Variants in WDHD1 observed in about 807,000 individuals in gnomAD.
WDHD1 encodes WD repeat and HMG-box DNA binding protein 1.
A neutral mutation model predicts 135.4 loss-of-function variants in WDHD1; 111 were observed. The observed-to-expected ratio is 0.82, with a 90% CI of 0.70 to 0.96. WDHD1 has a LOEUF of 0.96. WDHD1 is among the 40% of genes least tolerant of loss of function. The pLI is 0.00. For synonymous variants in WDHD1, 434 were observed against 439.0 expected, an observed-to-expected ratio of 0.99 and a Z score of 0.14; for missense variants, 1,351 against 1,336.3, an observed-to-expected ratio of 1.01 and a Z score of -0.17.
At chr14:54,961,741 T>C (rs1203872870) in intron 21 of WDHD1, among the ~76,000 whole-genome samples, 2 of 152,148 alleles carry the variant, frequency 1.3e-5, no homozygotes, top group Non-Finnish European at 2.9e-5. Flanking sequence ...AATGGTACTA[T>C]AAGGTTTATG....
intron 16 of WDHD1, among the ~76,000 whole-genome samples, chr14:54,975,305 G>T (rs2041507334): frequency 1.3e-5 from 2 of 152,022 alleles, no homozygotes; most frequent in Non-Finnish European, 2.9e-5. Context: ...CAGCTCAAAG[G>T]GGGCAGGGAT....
intron 2 of WDHD1, among the ~76,000 whole-genome samples, chr14:55,024,008 C>CT (rs1217616175): frequency 6.6e-6 from 1 of 152,088 alleles, no homozygotes; most frequent in Non-Finnish European, 1.5e-5. Flanking sequence ...ATTTTATGCA[C>CT]TCATGACATA....
Position 54,944,430 on chromosome 14 carries a change from T to G in WDHD1, c.3091A>C (p.Ser1031Arg). 2 of 1,606,436 alleles carry G rather than the reference T, an allele frequency of 1.2e-6. No homozygotes were observed. Among genetic ancestry groups the G allele is most frequent in the Non-Finnish European group, 1.7e-6 (2 of 1,178,610 alleles). The change falls in exon 25 of 26, where the codon AGT becomes CGT. Residue 1031 changes from serine to arginine, a missense_variant. Ser to Arg is a moderately radical substitution (Grantham distance 110). Coordinates refer to ENST00000360586, the MANE Select transcript of WDHD1 (RefSeq NM_007086.4). ...GFQMWLEENR[S>R]NILSDNPDFS... ...TCAGGATTGTCAGACAAAATATTAC[T>G]TCTATTTTCTTCTAACCACATCTGG...
chr14:54,946,527 C>T (rs2040928414), intron 24 of WDHD1, among the ~76,000 whole-genome samples: 3 of 152,096 alleles, frequency 2.0e-5, no homozygotes, highest in African/African-American at 4.8e-5. Context: ...GCTTTGTCGC[C>T]CAGGCTGGAG....
intron 13 of WDHD1, among the ~76,000 whole-genome samples, chr14:54,988,660 T>C (rs1423407935): frequency 1.3e-5 from 2 of 150,696 alleles, no homozygotes; most frequent in African/African-American, 4.9e-5. Context: ...CTGGGAGGAG[T>C]TTTCATTTTC....
At chr14:54,990,265 T>G (rs182907537) in intron 12 of WDHD1, among the ~76,000 whole-genome samples, 1 of 152,282 alleles carries the variant, frequency 6.6e-6, no homozygotes, top group Admixed American at 6.5e-5. Context: ...ATCCTCAGAA[T>G]GGAAAACATC....
At position 54,989,208 on chromosome 14, in the gene WDHD1, C is replaced by A; in HGVS notation, c.1346G>T (p.Trp449Leu). 1 of 1,610,560 alleles carries A rather than the reference C, an allele frequency of 6.2e-7. No individual in the cohort carries two copies. The highest frequency in any genetic ancestry group is 1.1e-5 in the South Asian group (1 of 90,202). Reference protein sequence around the residue: ...PLHLTHRFMVWNSIGIIRCYN... With the variant: ...PLHLTHRFMVLNSIGIIRCYN... ...GCAGCGAATAATTCCAATAGAGTTC[C>A]ACACCTACAAACAGGTAAGATTAAA... The change falls in exon 13 of 26, where the codon TGG becomes TTG. Residue 449 changes from tryptophan to leucine, a missense_variant. Coordinates refer to ENST00000360586, the MANE Select transcript of WDHD1 (RefSeq NM_007086.4).
intron 6 of WDHD1, 62 bp from the exon 7 acceptor site, chr14:55,007,437 A>T: frequency 4.3e-6 from 5 of 1,172,780 alleles, no homozygotes; most frequent in Non-Finnish European, 4.9e-6. Flanking sequence ...ATATATGCAG[A>T]ACTGAATATA....
chr14:54,976,967 C>T (rs2041534727), intron 16 of WDHD1, among the ~76,000 whole-genome samples: 1 of 151,750 alleles, frequency 6.6e-6, no homozygotes, highest in African/African-American at 2.4e-5. Context: ...TATAAGATTC[C>T]CCTCAGTAAT....
In WDHD1 at chr14:55,013,474, GT is replaced by G; in HGVS notation, c.189+10del. Reference sequence around the variant, plus strand: ...TCATTTCATATCAATTGATATAACTGTTTTTACTACCTTCAAAGCACATGAA... The same window carrying G: ...TCATTTCATATCAATTGATATAACTGTTTTACTACCTTCAAAGCACATGAA... On this transcript the variant is annotated intron_variant, in intron 3 of 25. Coordinates refer to ENST00000360586, the MANE Select transcript of WDHD1 (RefSeq NM_007086.4). 6.3e-7 allele frequency: 1 copy of G among 1,587,784 alleles called. No individual in the cohort carries two copies.
intron 2 of WDHD1, among the ~76,000 whole-genome samples, chr14:55,026,434 AAATT>A (rs2042442563): frequency 6.6e-6 from 1 of 151,750 alleles, no homozygotes; most frequent in Non-Finnish European, 1.5e-5. Flanking sequence ...TGATCTGACA[AAATT>A]AATAATGTAA....
chr14:55,025,747 A>T (rs2042425755), intron 2 of WDHD1, among the ~76,000 whole-genome samples: 1 of 152,180 alleles, frequency 6.6e-6, no homozygotes, highest in Non-Finnish European at 1.5e-5. Context: ...ATCACTCTCC[A>T]CATTTTAGTA....
chr14:55,013,147 G>A (rs2042198718), intron 3 of WDHD1, among the ~76,000 whole-genome samples: 1 of 137,850 alleles, frequency 7.3e-6, no homozygotes, highest in Non-Finnish European at 1.5e-5. Context: ...GACTGCTTGA[G>A]CCCAGGAGTT....
At chr14:55,011,894 T>C (rs186949609) in intron 3 of WDHD1, among the ~76,000 whole-genome samples, 19 of 152,278 alleles carry the variant, frequency 1.2e-4, no homozygotes, top group Admixed American at 2.6e-4. Context: ...CGACATTTGC[T>C]ATTGTTATGA....
rs551684332 is a variant in WDHD1, at chr14:55,006,333, C to T, written c.600+947G>A. 3.5e-4 allele frequency among the ~76,000 whole-genome samples: 53 copies of T among 152,276 alleles called. 2 individuals are homozygous for T. In the South Asian group the frequency reaches 7.3e-3, roughly 21 times the overall value. ...AAAGTTTCTTTATATAGATCTTTCA[C>T]ATTTCTTGTACATTTAACCTGTTAC... On this transcript the variant is annotated intron_variant, in intron 7 of 25. Coordinates refer to ENST00000360586, the MANE Select transcript of WDHD1 (RefSeq NM_007086.4).
At chr14:54,978,847 C>G (rs1486883304) in intron 16 of WDHD1, among the ~76,000 whole-genome samples, 3 of 152,152 alleles carry the variant, frequency 2.0e-5, no homozygotes, top group Non-Finnish European at 1.5e-5. Context: ...AAGCCAAAAA[C>G]AGAAGATAGG....
chr14:54,945,786 G>A (rs541029244), intron 24 of WDHD1, among the ~76,000 whole-genome samples: 22 of 152,192 alleles, frequency 1.4e-4, no homozygotes, highest in Admixed American at 7.2e-4. Flanking sequence ...TGATCCACTC[G>A]CCTCGGCCTC....
At chr14:55,008,226 A>T in intron 6 of WDHD1, 90 bp downstream of exon 6, 1 of 1,274,040 alleles carries the variant, frequency 7.8e-7, no homozygotes, top group South Asian at 1.4e-5. Flanking sequence ...TCCAAAGAAA[A>T]GCAATTATTA....
chr14:54,957,501 A>C, intron 22 of WDHD1, 91 bp downstream of exon 22: 2 of 1,197,024 alleles, frequency 1.7e-6, no homozygotes, highest in Non-Finnish European at 2.3e-6. Context: ...TCATGCCTCC[A>C]AGTCTGGGGA....
Sources: allele counts gnomAD v4.1 joint callset (sites outside exome capture counted in the v4.1 genomes callset), GRCh38; gene constraint gnomAD v4.1.1; transcripts MANE v1.5; gene names NCBI Gene and HGNC (gene_info 2026-07-23, HGNC 2026-07-21).